Variants in MTMR3 observed in about 807,000 individuals in gnomAD.
MTMR3 encodes myotubularin related protein 3.
In MTMR3, 32 loss-of-function variants were observed where a neutral mutation model predicts 132.4. That is an observed-to-expected ratio of 0.24 (90% CI 0.18 to 0.32). The LOEUF is 0.32. Ranked by LOEUF, MTMR3 falls within the 10% of genes least tolerant of loss-of-function variation. The pLI is 1.00. For missense variants in MTMR3, 1,216 were observed against 1,489.6 expected, an observed-to-expected ratio of 0.82 and a Z score of 3.02; for synonymous variants, 556 against 550.3, an observed-to-expected ratio of 1.01 and a Z score of -0.14.
intron 1 of MTMR3, among the ~76,000 whole-genome samples, chr22:29,935,239 T>G (rs1197518616): frequency 6.6e-6 from 1 of 152,224 alleles, no homozygotes; most frequent in Non-Finnish European, 1.5e-5. Flanking sequence ...TGTATGTGAT[T>G]ACTAAATGGC....
At chr22:29,911,536 G>C (rs1016964156) in intron 1 of MTMR3, among the ~76,000 whole-genome samples, 2 of 151,338 alleles carry the variant, frequency 1.3e-5, no homozygotes, top group Admixed American at 1.3e-4. Context: ...GAGTGAGACT[G>C]TGTCTCAAAA....
At chr22:29,991,418 G>C in intron 6 of MTMR3, 86 bp from the exon 7 acceptor site, 1 of 1,369,664 alleles carries the variant, frequency 7.3e-7, no homozygotes, top group Non-Finnish European at 9.8e-7. Context: ...TTCACTACGA[G>C]TGGGCATTCT....
chr22:29,972,034 T>A (rs989999412), intron 3 of MTMR3, among the ~76,000 whole-genome samples: 3 of 152,234 alleles, frequency 2.0e-5, no homozygotes, highest in Non-Finnish European at 4.4e-5. Flanking sequence ...AAATGTCATA[T>A]TAAAAGGAAG....
At position 30,016,609 on chromosome 22, in the gene MTMR3, A is replaced by T. The variant is rs1411374073; in HGVS notation, c.1585A>T (p.Thr529Ser). Reference protein sequence around the residue: ...NNAKERGEKHTQERTCSVWSL... With the variant: ...NNAKERGEKHSQERTCSVWSL... ...CGCCAAGGAGAGAGGGGAAAAGCATACTCAGGAACGGACATGTTCCGTGTG... is the reference window on the plus strand; with the variant it reads ...CGCCAAGGAGAGAGGGGAAAAGCATTCTCAGGAACGGACATGTTCCGTGTG... The change falls in exon 15 of 20, where the codon ACT (threonine) becomes TCT (serine). Residue 529 changes from threonine (T) to serine (S), a missense_variant. Physicochemically the swap from Thr to Ser is moderately conservative, Grantham distance 58 (BLOSUM62 1). Around this residue, in one of 7 missense-constraint regions of MTMR3, gnomAD observed 852 missense variants for 852.0 expected, o/e 1.00. Coordinates refer to ENST00000401950, the MANE Select transcript of MTMR3 (RefSeq NM_021090.4). 3 of 1,614,062 alleles carry T rather than the reference A, an allele frequency of 1.9e-6. No individual in the cohort carries two copies. In the African/African-American group the frequency reaches 4.0e-5, roughly 22 times the overall value.
intron 3 of MTMR3, among the ~76,000 whole-genome samples, chr22:29,973,476 C>T (rs1330905169): frequency 1.3e-5 from 2 of 152,152 alleles, no homozygotes; most frequent in African/African-American, 2.4e-5. Flanking sequence ...ACCAGTCTTA[C>T]GAATATGACT....
At position 29,991,424 on chromosome 22, in the gene MTMR3, A is replaced by G. The variant is rs537437968; in HGVS notation, c.294-80A>G. Reference sequence around the variant, plus strand: ...AGTTCCCACTTCACTACGAGTGGGCATTCTTGAAATAATGGCTTTTCTTAC... The same window carrying G: ...AGTTCCCACTTCACTACGAGTGGGCGTTCTTGAAATAATGGCTTTTCTTAC... On this transcript the variant is annotated intron_variant, in intron 6 of 19. Coordinates refer to ENST00000401950, the MANE Select transcript of MTMR3 (RefSeq NM_021090.4). The G allele has an allele frequency of 4.8e-5, 68 of 1,420,420 alleles. No homozygotes were observed. In the African/African-American group the frequency reaches 8.4e-4, roughly 17 times the overall value. The allele number at this position is 1,420,420 out of a possible 1,614,324, so 88.0% of individuals were successfully genotyped here.
At chr22:29,886,327 A>G (rs1187964586) in intron 1 of MTMR3, among the ~76,000 whole-genome samples, 4 of 152,244 alleles carry the variant, frequency 2.6e-5, no homozygotes, top group Non-Finnish European at 5.9e-5. Flanking sequence ...AAAGACTGTC[A>G]TGAACATTAT....
At chr22:29,935,141 G>C (rs999527365) in intron 1 of MTMR3, among the ~76,000 whole-genome samples, 2 of 152,174 alleles carry the variant, frequency 1.3e-5, no homozygotes, top group Non-Finnish European at 2.9e-5. Flanking sequence ...TGTCAGGGGA[G>C]ATAATTCTAT....
chr22:29,970,930 C>A, intron 2 of MTMR3, 46 bp from the exon 3 acceptor site: 1 of 861,712 alleles, frequency 1.2e-6, no homozygotes. Context: ...TTTGCCTCCC[C>A]TCCTCTTTTT....
intron 1 of MTMR3, among the ~76,000 whole-genome samples, chr22:29,915,514 C>T (rs1386370150): frequency 4.6e-5 from 7 of 152,246 alleles, no homozygotes; most frequent in Middle Eastern, 3.4e-3. Flanking sequence ...CTCAGCCTCC[C>T]GGGTTCAAGT....
intron 1 of MTMR3, among the ~76,000 whole-genome samples, chr22:29,941,010 C>T (rs1752155524): frequency 1.3e-5 from 2 of 150,046 alleles, no homozygotes; most frequent in South Asian, 4.2e-4. Context: ...GCCACTGCCT[C>T]AATCATGATA....
chr22:29,884,997 C>T (rs2064642148), intron 1 of MTMR3, among the ~76,000 whole-genome samples: 1 of 152,180 alleles, frequency 6.6e-6, no homozygotes, highest in African/African-American at 2.4e-5. Flanking sequence ...TCAGGTGACT[C>T]AGAGAACTTC....
At chr22:30,025,481 G>C in intron 19 of MTMR3, 149 bp from the exon 20 acceptor site, 2 of 768,948 alleles carry the variant, frequency 2.6e-6, no homozygotes, top group Non-Finnish European at 4.3e-6. Context: ...TACCCAGCTT[G>C]TTCCTGGGCT....
Position 30,019,678 on chromosome 22 carries a change from G to A in MTMR3, c.2019G>A (p.Pro673=), listed in dbSNP as rs148069934. 124 of 1,613,946 alleles carry A rather than the reference G, an allele frequency of 7.7e-5. No homozygotes were observed. Among genetic ancestry groups the A allele is most frequent in the Admixed American group, 2.0e-4 (12 of 60,000 alleles). Reference sequence around the variant, plus strand: ...GCCTAGGGAAGCCCACCAGAGTGCCGGGGGGTGCCGAGCTTTCTGTTGCAG... The same window carrying A: ...GCCTAGGGAAGCCCACCAGAGTGCCAGGGGGTGCCGAGCTTTCTGTTGCAG... ...ADSLGKPTRV[P]GGAELSVAAG... is the part of the protein sequence containing the mutation. Residue 673 remains proline (P), a synonymous_variant, in exon 17 of 20, where the codon CCG becomes CCA. Coordinates refer to ENST00000401950, the MANE Select transcript of MTMR3 (RefSeq NM_021090.4).
chr22:29,971,696 C>T (rs756863281), intron 3 of MTMR3, among the ~76,000 whole-genome samples: 19 of 152,062 alleles, frequency 1.2e-4, no homozygotes, highest in Non-Finnish European at 2.5e-4. Flanking sequence ...CCTCCTGTAT[C>T]TTTAACCAGA....
chr22:29,903,282 A>G (rs1024854385), intron 1 of MTMR3, among the ~76,000 whole-genome samples: 7 of 151,984 alleles, frequency 4.6e-5, no homozygotes, highest in Admixed American at 3.9e-4. Context: ...TTGCAAGTTA[A>G]TTTTTTGAGG....
intron 1 of MTMR3, among the ~76,000 whole-genome samples, chr22:29,937,425 T>TA (rs1424730840): frequency 6.6e-6 from 1 of 151,678 alleles, no homozygotes; most frequent in Non-Finnish European, 1.5e-5. Flanking sequence ...GCAGATTTTT[T>TA]TTTTTTTTGA....
chr22:29,887,493 G>C (rs947416177), intron 1 of MTMR3, among the ~76,000 whole-genome samples: 6 of 152,190 alleles, frequency 3.9e-5, no homozygotes, highest in African/African-American at 1.4e-4. Flanking sequence ...GTCAAGTGCA[G>C]AATTTACCAA....
intron 8 of MTMR3, chr22:30,001,096 T>C (rs1390034628): frequency 6.6e-6 from 1 of 151,718 alleles, no homozygotes; most frequent in African/African-American, 2.4e-5. Flanking sequence ...CTACAGAAAA[T>C]TTCTTAAAAA....
Sources: gnomAD v4.1 joint callset for allele counts (sites outside exome capture counted in the v4.1 genomes callset) on GRCh38, gnomAD v4.1.1 for gene constraint, gnomAD v4.1.1 regional missense constraint, MANE v1.5 for transcripts, NCBI Gene and HGNC (gene_info 2026-07-23, HGNC 2026-07-21) for gene names.